The following FHIP1A variants were observed in gnomAD, a reference collection of about 807,000 sequenced individuals.
FHIP1A encodes FHF complex subunit HOOK-interacting protein 1A.
A neutral mutation model predicts 88.6 loss-of-function variants in FHIP1A; 61 were observed. That is an observed-to-expected ratio of 0.69 (90% CI 0.56 to 0.85). The LOEUF is 0.85. Among genes scored for constraint, FHIP1A ranks in the 40% least tolerant of loss-of-function variants. FHIP1A has a pLI of 0.00. For missense variants in FHIP1A, 1,154 were observed against 1,273.5 expected (o/e 0.91, Z 1.43); for synonymous variants, 478 against 496.0 (o/e 0.96, Z 0.48).
Position 151,662,754 on chromosome 4 carries a change from G to GA in FHIP1A, c.3123_*1insA. ...GTGACTTTGAGGACTCCTGCTGTTA[G>GA]CTTTTTTTTTTTTTTTTAATAGAGG... is the stretch of plus-strand genomic sequence containing the variant. On this transcript the variant is annotated 3_prime_UTR_variant, in exon 14 of 14. Coordinates refer to ENST00000435205, the MANE Select transcript of FHIP1A (RefSeq NM_001109977.3). 1 of 1,297,824 alleles carries GA rather than the reference G, an allele frequency of 7.7e-7. No individual in the cohort carries two copies. Among genetic ancestry groups the GA allele is most frequent in the Non-Finnish European group, 9.8e-7 (1 of 1,022,772 alleles). 80.4% of individuals were successfully genotyped at this position (1,297,824 alleles called of 1,614,324 possible).
intron 1 of FHIP1A, among the ~76,000 whole-genome samples, chr4:151,429,924 C>G (rs1733532574): frequency 6.6e-6 from 1 of 151,256 alleles, no homozygotes; most frequent in Non-Finnish European, 1.5e-5. Flanking sequence ...CTTACAGATA[C>G]CAAATTCCAC....
intron 1 of FHIP1A, among the ~76,000 whole-genome samples, chr4:151,445,149 A>G (rs1243669300): frequency 1.3e-5 from 2 of 152,196 alleles, no homozygotes; most frequent in African/African-American, 2.4e-5. Flanking sequence ...AAAGGCTTGT[A>G]GAACCCAAGG....
chr4:151,412,149 G>A (rs1162890402), intron 1 of FHIP1A, among the ~76,000 whole-genome samples: 3 of 152,200 alleles, frequency 2.0e-5, no homozygotes, highest in Non-Finnish European at 4.4e-5. Context: ...TGTTGCCCAG[G>A]CTGGAGTGCA....
At chr4:151,621,743 T>G (rs1280003746) in intron 7 of FHIP1A, among the ~76,000 whole-genome samples, 9 of 152,036 alleles carry the variant, frequency 5.9e-5, no homozygotes, top group Non-Finnish European at 1.3e-4. Flanking sequence ...CATTCAGTAG[T>G]ATTGTCTTAT....
At chr4:151,419,568 C>CTTTTTTTTTTTTTTT (rs70941499) in intron 1 of FHIP1A, among the ~76,000 whole-genome samples, 4 of 21,990 alleles carry the variant, frequency 1.8e-4, no homozygotes, top group African/African-American at 2.1e-4. Context: ...GTTCCTCATT[C>CTTTTTTTTTTTTTTT]TTTTTTTTTT....
intron 3 of FHIP1A, among the ~76,000 whole-genome samples, chr4:151,538,047 A>C (rs1395650475): frequency 1.3e-5 from 2 of 152,176 alleles, no homozygotes; most frequent in African/African-American, 2.4e-5. Flanking sequence ...TGGGTAAGGG[A>C]TAAATGACTT....
At chr4:151,426,429 A>G (rs767234585) in intron 1 of FHIP1A, among the ~76,000 whole-genome samples, 1 of 152,142 alleles carries the variant, frequency 6.6e-6, no homozygotes, top group Non-Finnish European at 1.5e-5. Flanking sequence ...ACCATTTCAG[A>G]CATATTTCTT....
intron 4 of FHIP1A, among the ~76,000 whole-genome samples, chr4:151,573,898 A>G (rs1300886383): frequency 6.6e-6 from 1 of 152,208 alleles, no homozygotes; most frequent in Non-Finnish European, 1.5e-5. Context: ...AAACTGAAAG[A>G]ACTATGACAC....
intron 3 of FHIP1A, among the ~76,000 whole-genome samples, chr4:151,532,229 T>C (rs1269329126): frequency 6.6e-6 from 1 of 152,234 alleles, no homozygotes; most frequent in Non-Finnish European, 1.5e-5. Flanking sequence ...AGTTGCTGTG[T>C]TGAATTTCAT....
chr4:151,481,952 GTGTTACGAAAATTATCTTGCCAGT>G (rs1729911862), intron 2 of FHIP1A, among the ~76,000 whole-genome samples: 1 of 152,086 alleles, frequency 6.6e-6, no homozygotes, highest in Admixed American at 6.6e-5. Context: ...CCACACATTT[GTGTTACGAAAATTATCTTGCCAGT>G]TAGGCCTGAT....
intron 3 of FHIP1A, among the ~76,000 whole-genome samples, chr4:151,512,750 G>A (rs1262274142): frequency 6.6e-6 from 1 of 152,038 alleles, no homozygotes; most frequent in Non-Finnish European, 1.5e-5. Flanking sequence ...GAAGTTTAGA[G>A]AAAAAAGAAT....
At chr4:151,455,687 G>A (rs1728942750) in intron 2 of FHIP1A, among the ~76,000 whole-genome samples, 1 of 152,164 alleles carries the variant, frequency 6.6e-6, no homozygotes, top group African/African-American at 2.4e-5. Context: ...CCTGATCTTG[G>A]TCAGTGGGAC....
intron 1 of FHIP1A, among the ~76,000 whole-genome samples, chr4:151,453,641 G>A (rs147272953): frequency 1.2e-3 from 176 of 152,172 alleles, no homozygotes; most frequent in African/African-American, 3.7e-3. Context: ...ACCTGAGGTC[G>A]GGAGTTCGAG....
At chr4:151,619,038 G>A (rs1411016134) in intron 7 of FHIP1A, among the ~76,000 whole-genome samples, 1 of 152,094 alleles carries the variant, frequency 6.6e-6, no homozygotes, top group Non-Finnish European at 1.5e-5. Flanking sequence ...GCTGAGAGAG[G>A]ATGCTGCCCT....
rs186329749 is a variant in FHIP1A at position 151,466,012 on chromosome 4, G to A, written c.-248+11204G>A. On this transcript the variant is annotated intron_variant, in intron 2 of 13. Transcript: ENST00000435205. Reference sequence around the variant, plus strand: ...CTCCTATTCAACATAGAAATAAAGGGTATTCATATAGAAAGAGAGGAAGTC... The same window carrying A: ...CTCCTATTCAACATAGAAATAAAGGATATTCATATAGAAAGAGAGGAAGTC... Among the ~76,000 whole-genome samples, 349 of 151,736 alleles carry A rather than the reference G, an allele frequency of 2.3e-3. 3 individuals are homozygous for A. Among genetic ancestry groups the A allele is most frequent in the Admixed American group, 3.3e-3 (51 of 15,224 alleles).
chr4:151,587,662 T>A (rs1015929893), intron 6 of FHIP1A, among the ~76,000 whole-genome samples: 1 of 152,024 alleles, frequency 6.6e-6, no homozygotes, highest in Non-Finnish European at 1.5e-5. Context: ...GAAATCAAGT[T>A]TTCTTTATAG....
At chr4:151,470,467 G>A (rs752165591) in intron 2 of FHIP1A, among the ~76,000 whole-genome samples, 27 of 152,232 alleles carry the variant, frequency 1.8e-4, no homozygotes, top group Admixed American at 6.5e-5. Context: ...GATGTTGGTC[G>A]TTTATTTCAG....
intron 11 of FHIP1A, among the ~76,000 whole-genome samples, chr4:151,653,295 T>C: frequency 6.6e-6 from 1 of 152,150 alleles, no homozygotes; most frequent in East Asian, 1.9e-4. Context: ...TCTGTATGTG[T>C]TGACACGAGG....
chr4:151,659,469 A>G (rs1737371986), intron 13 of FHIP1A, among the ~76,000 whole-genome samples: 2 of 152,208 alleles, frequency 1.3e-5, no homozygotes, highest in South Asian at 2.1e-4. Context: ...TGGGTTTCCA[A>G]GTGTCTGTGT....
Sources: allele counts gnomAD v4.1 joint callset (sites outside exome capture counted in the v4.1 genomes callset), GRCh38; gene constraint gnomAD v4.1.1; transcripts MANE v1.5; gene names NCBI Gene and HGNC (gene_info 2026-07-23, HGNC 2026-07-21).